LDB3: variants seen among roughly 807,000 people sequenced by gnomAD.
LDB3 encodes LIM domain binding 3.
In LDB3, 49 loss-of-function variants were observed where a neutral mutation model predicts 69.0. The observed-to-expected ratio is 0.71, with a 90% CI of 0.56 to 0.90. The LOEUF (loss-of-function observed/expected upper bound fraction) is 0.90. LDB3 is among the 40% of genes least tolerant of loss of function. The pLI is 0.00. For synonymous variants in LDB3, 387 were observed against 396.2 expected (o/e 0.98, Z 0.28); for missense variants, 928 against 974.1 (o/e 0.95, Z 0.63).
chr10:86,716,672 C>G lies in LDB3; in HGVS notation c.1577C>G (p.Pro526Arg). 1 of 1,613,974 alleles carries G rather than the reference C, an allele frequency of 6.2e-7. No individual in the cohort carries two copies. Among genetic ancestry groups the G allele is most frequent in the Non-Finnish European group, 8.5e-7 (1 of 1,180,002 alleles). ...GGCCCAGCCTACACCCCAGCGGGTC[C>G]TCAGGTGCCACCACTTGCCAGGGGG... ...RGGPAYTPAG[P>R]QVPPLARGTV... is the part of the protein sequence containing the mutation. The change falls in exon 10 of 14, where the codon CCT becomes CGT. Residue 526 changes from proline to arginine, a missense_variant. Coordinates refer to ENST00000361373, the MANE Select transcript of LDB3 (RefSeq NM_007078.3).
intron 7 of LDB3, among the ~76,000 whole-genome samples, chr10:86,692,781 C>G (rs1845828953): frequency 6.6e-6 from 1 of 152,152 alleles, no homozygotes; most frequent in Non-Finnish European, 1.5e-5. Flanking sequence ...TCCTCCAGGC[C>G]CAGGCTACAA....
chr10:86,696,241 C>T (rs1035137843), intron 7 of LDB3, among the ~76,000 whole-genome samples: 2 of 152,212 alleles, frequency 1.3e-5, no homozygotes, highest in Admixed American at 6.5e-5. Flanking sequence ...GCTTACACGC[C>T]GCACAGCATA....
At chr10:86,676,903 G>T (rs984812177) in intron 2 of LDB3, among the ~76,000 whole-genome samples, 1 of 152,242 alleles carries the variant, frequency 6.6e-6, no homozygotes, top group Non-Finnish European at 1.5e-5. Flanking sequence ...CCCAGGCTTG[G>T]CACCTGGGGC....
chr10:86,697,568 T>C (rs1846064491), intron 7 of LDB3, among the ~76,000 whole-genome samples: 1 of 143,734 alleles, frequency 7.0e-6, no homozygotes, highest in Admixed American at 6.9e-5. Flanking sequence ...TTTTTTTTTT[T>C]TTTGAGATGG....
At chr10:86,673,401 C>G (rs1844594285) in intron 2 of LDB3, among the ~76,000 whole-genome samples, 1 of 152,098 alleles carries the variant, frequency 6.6e-6, no homozygotes, top group African/African-American at 2.4e-5. Context: ...GCAGTGGGGG[C>G]AGGATGTGTG....
At chr10:86,689,325 G>A (rs1845651453) in intron 5 of LDB3, among the ~76,000 whole-genome samples, 1 of 152,172 alleles carries the variant, frequency 6.6e-6, no homozygotes. Flanking sequence ...CTGGTTGTGG[G>A]ATGGTGTGTG....
chr10:86,673,040 ACTGAG>A (rs1844575251), intron 2 of LDB3, among the ~76,000 whole-genome samples: 1 of 152,102 alleles, frequency 6.6e-6, no homozygotes, highest in Non-Finnish European at 1.5e-5. Context: ...CCTCCTCTAC[ACTGAG>A]CCCTCCCACC....
chr10:86,677,280 C>T (rs1201697323), intron 2 of LDB3, among the ~76,000 whole-genome samples: 1 of 152,154 alleles, frequency 6.6e-6, no homozygotes, highest in Non-Finnish European at 1.5e-5. Context: ...AGGGGCCAGC[C>T]CATTCCATGT....
chr10:86,684,818 G>C (rs1051582157), intron 5 of LDB3, among the ~76,000 whole-genome samples: 1 of 152,214 alleles, frequency 6.6e-6, no homozygotes, highest in African/African-American at 2.4e-5. Context: ...ACAGGCCCCC[G>C]ACAGGGCTGC....
intron 11 of LDB3, 97 bp downstream of exon 11, chr10:86,718,241 A>G: frequency 8.4e-7 from 1 of 1,196,422 alleles, no homozygotes; most frequent in Non-Finnish European, 1.2e-6. Flanking sequence ...AGTTGCTGGT[A>G]ACAGAGAAAG....
In LDB3 at chr10:86,716,604, C is replaced by G; in HGVS notation, c.1509C>G (p.Gly503=). The change falls in exon 10 of 14, where the codon GGC becomes GGG. Residue 503 remains glycine (G), a synonymous_variant. Coordinates refer to ENST00000361373, the MANE Select transcript of LDB3 (RefSeq NM_007078.3). ...GCTTCTCCCAGAAGTTTGCCCCGGG[C>G]AAGAGCACCACCTCCATCAGCAAGC... ...DDSFSQKFAP[G]KSTTSISKQT... 6.2e-7 allele frequency: 1 copy of G among 1,613,942 alleles called. No homozygotes were observed. The highest frequency in any genetic ancestry group is 2.2e-5 in the East Asian group (1 of 44,860).
intron 5 of LDB3, among the ~76,000 whole-genome samples, chr10:86,688,291 GGGAT>G (rs929288239): frequency 6.6e-6 from 1 of 152,150 alleles, no homozygotes; most frequent in Non-Finnish European, 1.5e-5. Context: ...TGTAATAAGA[GGGAT>G]GGAGGGATTA....
intron 2 of LDB3, among the ~76,000 whole-genome samples, chr10:86,677,900 G>A (rs888402205): frequency 1.3e-5 from 2 of 152,152 alleles, no homozygotes; most frequent in African/African-American, 4.8e-5. Flanking sequence ...CCTTCAGCCT[G>A]GCAGTGTCTC....
In LDB3 at chr10:86,681,457, G is replaced by A. The variant is rs397517222; in HGVS notation, c.343G>A (p.Gly115Ser). Residue 115 changes from glycine (G) to serine (S), a missense_variant, in exon 5 of 14, where the codon GGC becomes AGC. Physicochemically the swap from Gly to Ser is moderately conservative, Grantham distance 56. Coordinates refer to ENST00000361373, the MANE Select transcript of LDB3 (RefSeq NM_007078.3). ...CCAGGACCCCGCTCTGGACACGAAC[G>A]GCAGCCTGGTGGCACCCAGCCCCAG... ...HQKDPALDTNGSLVAPSPSPE... is the reference protein window; with the variant it reads ...HQKDPALDTNSSLVAPSPSPE... 3.1e-6 allele frequency: 5 copies of A among 1,604,770 alleles called. No individual in the cohort carries two copies. Among genetic ancestry groups the A allele is most frequent in the Admixed American group, 1.7e-5 (1 of 60,004 alleles).
At chr10:86,731,439 G>C (rs979424837) in intron 13 of LDB3, among the ~76,000 whole-genome samples, 1 of 151,876 alleles carries the variant, frequency 6.6e-6, no homozygotes, top group East Asian at 2.0e-4. Flanking sequence ...TGGTCAGGCT[G>C]ATCTCAAACT....
chr10:86,683,691 G>C (rs1023730044), intron 5 of LDB3, among the ~76,000 whole-genome samples: 1 of 152,252 alleles, frequency 6.6e-6, no homozygotes, highest in Non-Finnish European at 1.5e-5. Context: ...TGATGCTGCT[G>C]TCTCAGGCAA....
In LDB3 at chr10:86,691,923, A is replaced by G; in HGVS notation, c.717A>G (p.Val239=). 1 of 1,614,188 alleles carries G rather than the reference A, an allele frequency of 6.2e-7. No individual in the cohort carries two copies. The highest frequency in any genetic ancestry group is 2.2e-5 in the East Asian group (1 of 44,884). Residue 239 remains valine, a synonymous_variant, in exon 6 of 14, where the codon GTA becomes GTG. Coordinates refer to ENST00000361373, the MANE Select transcript of LDB3 (RefSeq NM_007078.3). ...GGSLPIKDLA[V]DSASPVYQAV... is the part of the protein sequence containing the mutation. Reference sequence around the variant, plus strand: ...GCCTCCCTATTAAGGACCTTGCCGTAGACAGCGCCTCTCCCGTCTACCAGG... The same window carrying G: ...GCCTCCCTATTAAGGACCTTGCCGTGGACAGCGCCTCTCCCGTCTACCAGG...
At position 86,679,390 on chromosome 10, in the gene LDB3, C is replaced by G. The variant is rs2132360061; in HGVS notation, c.117C>G (p.Ala39=). 2 of 1,614,158 alleles carry G rather than the reference C, an allele frequency of 1.2e-6. No individual in the cohort carries two copies. The highest frequency in any genetic ancestry group is 2.2e-5 in the South Asian group (2 of 91,082). The change falls in exon 3 of 14, where the codon GCC becomes GCG. Residue 39 remains alanine (A), a synonymous_variant. Coordinates refer to ENST00000361373, the MANE Select transcript of LDB3 (RefSeq NM_007078.3). Reference sequence around the variant, plus strand: ...AGATCACACCAGGCAGCAAGGCAGCCCAGTCCCAGCTCAGCCAGGGTGACC... The same window carrying G: ...AGATCACACCAGGCAGCAAGGCAGCGCAGTCCCAGCTCAGCCAGGGTGACC... ...ISRITPGSKA[A]QSQLSQGDLV...
intron 7 of LDB3, among the ~76,000 whole-genome samples, chr10:86,698,445 T>C (rs1182435515): frequency 6.6e-6 from 1 of 152,210 alleles, no homozygotes; most frequent in Non-Finnish European, 1.5e-5. Context: ...CCTTCCAGCC[T>C]GGAAGGCCTG....
Sources: allele counts gnomAD v4.1 joint callset (sites outside exome capture counted in the v4.1 genomes callset), GRCh38; gene constraint gnomAD v4.1.1; transcripts MANE v1.5; gene names NCBI Gene and HGNC (gene_info 2026-07-23, HGNC 2026-07-21).